IL1RAPL2: variants seen among roughly 807,000 people sequenced by gnomAD.
IL1RAPL2 encodes the protein X-linked interleukin-1 receptor accessory protein-like 2.
Under a neutral mutation model 44.1 loss-of-function variants are expected in IL1RAPL2, and 3 were observed. The ratio of observed to expected loss-of-function variants is 0.07; its 90% CI spans 0.03 to 0.18. The LOEUF (loss-of-function observed/expected upper bound fraction) is 0.18, where lower values mean the gene tolerates loss of function less well. Ranked by LOEUF, IL1RAPL2 falls within the 10% of genes least tolerant of loss-of-function variation. The pLI is 1.00. For missense variants in IL1RAPL2, 391 were observed against 496.4 expected, an observed-to-expected ratio of 0.79 and a Z score of 2.02; for synonymous variants, 181 against 178.8, an observed-to-expected ratio of 1.01 and a Z score of -0.10.
At chrX:104,728,513 CA>C (rs1931840466) in intron 2 of IL1RAPL2, among the ~76,000 whole-genome samples, 1 of 111,530 alleles carries the variant, frequency 9.0e-6, no homozygotes, top group Non-Finnish European at 1.9e-5. Flanking sequence ...TTTGACCTTA[CA>C]TTTGGAAATA....
At chrX:105,645,374 T>C (rs761863555) in intron 6 of IL1RAPL2, among the ~76,000 whole-genome samples, 5 of 111,868 alleles carry the variant, frequency 4.5e-5, no homozygotes, top group Non-Finnish European at 9.4e-5. Context: ...TTTTGAGGAG[T>C]TGAGTGTACT....
chrX:105,036,727 G>A (rs745499540), intron 2 of IL1RAPL2, among the ~76,000 whole-genome samples: 33 of 111,591 alleles, frequency 3.0e-4, no homozygotes, highest in South Asian at 2.3e-3. Context: ...CAAATTTCAC[G>A]AACGTTACAA....
At chrX:104,901,287 T>G (rs904993584) in intron 2 of IL1RAPL2, among the ~76,000 whole-genome samples, 5 of 91,809 alleles carry the variant, frequency 5.4e-5, no homozygotes, top group Non-Finnish European at 1.0e-4. Flanking sequence ...CTCCGCTCAC[T>G]GCAAGCTCCG....
chrX:105,256,880 GCTAT>G (rs758810832), intron 4 of IL1RAPL2, among the ~76,000 whole-genome samples: 12 of 111,029 alleles, frequency 1.1e-4, no homozygotes, highest in South Asian at 3.8e-4. Context: ...TAGCTAGTGG[GCTAT>G]CTATCTTATT....
At chrX:104,935,238 TA>T (rs1924999245) in intron 2 of IL1RAPL2, among the ~76,000 whole-genome samples, 1 of 112,318 alleles carries the variant, frequency 8.9e-6, no homozygotes, top group Non-Finnish European at 1.9e-5. Context: ...ATTTCATTAG[TA>T]AAAATTCCAG....
chrX:104,897,019 C>T (rs1923672158), intron 2 of IL1RAPL2, among the ~76,000 whole-genome samples: 1 of 111,969 alleles, frequency 8.9e-6, no homozygotes, highest in Admixed American at 9.5e-5. Flanking sequence ...AAGGAATGAA[C>T]TCTGGACACA....
At chrX:104,656,703 G>A (rs1166685550) in intron 1 of IL1RAPL2, among the ~76,000 whole-genome samples, 2 of 111,648 alleles carry the variant, frequency 1.8e-5, no homozygotes, top group Non-Finnish European at 3.8e-5. Context: ...ACTTGGTGCA[G>A]AGCTGAGTTC....
At chrX:104,665,458 A>AT (rs1367813210) in intron 2 of IL1RAPL2, among the ~76,000 whole-genome samples, 1 of 110,734 alleles carries the variant, frequency 9.0e-6, no homozygotes, top group African/African-American at 3.3e-5. Flanking sequence ...TCTTATTACA[A>AT]TTGTGTATCA....
At chrX:104,700,043 T>A (rs1454937355) in intron 2 of IL1RAPL2, among the ~76,000 whole-genome samples, 1 of 111,921 alleles carries the variant, frequency 8.9e-6, no homozygotes, top group Non-Finnish European at 1.9e-5. Flanking sequence ...CAGTCCCTGA[T>A]TGGGTGGCTT....
chrX:104,921,246 C>A (rs756025976), intron 2 of IL1RAPL2, among the ~76,000 whole-genome samples: 2 of 106,894 alleles, frequency 1.9e-5, no homozygotes, highest in African/African-American at 6.9e-5. Flanking sequence ...CCCCCACCCC[C>A]ACCCCAGAGC....
At chrX:105,046,077 T>C (rs1432198871) in intron 2 of IL1RAPL2, among the ~76,000 whole-genome samples, 1 of 111,429 alleles carries the variant, frequency 9.0e-6, no homozygotes, top group Non-Finnish European at 1.9e-5. Context: ...GACTTCCAGA[T>C]CCTCATAGAC....
chrX:105,467,684 C>T (rs1022661459), intron 5 of IL1RAPL2, among the ~76,000 whole-genome samples: 6 of 111,455 alleles, frequency 5.4e-5, no homozygotes, highest in Non-Finnish European at 9.4e-5. Flanking sequence ...CCCAAATTTA[C>T]GAGATGGCCT....
chrX:105,615,606 A>G (rs2037369926), intron 6 of IL1RAPL2, among the ~76,000 whole-genome samples: 1 of 112,058 alleles, frequency 8.9e-6, no homozygotes, highest in Non-Finnish European at 1.9e-5. Flanking sequence ...GCATGTGTTC[A>G]CTTATTTGTG....
At chrX:104,718,783 T>C (rs1187850576) in intron 2 of IL1RAPL2, among the ~76,000 whole-genome samples, 1 of 111,787 alleles carries the variant, frequency 8.9e-6, no homozygotes, top group African/African-American at 3.2e-5. Flanking sequence ...TGAAAAATGA[T>C]TTACTGCAGG....
chrX:104,685,680 T>C (rs761411622), intron 2 of IL1RAPL2, among the ~76,000 whole-genome samples: 1 of 111,007 alleles, frequency 9.0e-6, no homozygotes, highest in African/African-American at 3.3e-5. Flanking sequence ...AATGACGAGC[T>C]AGTGGGTGCA....
At chrX:105,401,740 A>G (rs1238355999) in intron 5 of IL1RAPL2, among the ~76,000 whole-genome samples, 1 of 110,699 alleles carries the variant, frequency 9.0e-6, no homozygotes, top group Non-Finnish European at 1.9e-5. Flanking sequence ...CAAGTATATG[A>G]AATTCTGATT....
At chrX:105,738,493 C>T (rs1469141504) in intron 7 of IL1RAPL2, among the ~76,000 whole-genome samples, 2 of 111,074 alleles carry the variant, frequency 1.8e-5, no homozygotes, top group African/African-American at 6.5e-5. Context: ...CATTTATAAC[C>T]AGGTGTCCAA....
intron 6 of IL1RAPL2, among the ~76,000 whole-genome samples, chrX:105,577,217 C>T (rs1006999467): frequency 1.8e-5 from 2 of 111,064 alleles, no homozygotes; most frequent in Admixed American, 9.6e-5. Context: ...AAAAATGGGC[C>T]TATATGATAC....
intron 2 of IL1RAPL2, among the ~76,000 whole-genome samples, chrX:105,030,515 T>G (rs903936336): frequency 8.9e-6 from 1 of 112,042 alleles, no homozygotes; most frequent in Non-Finnish European, 1.9e-5. Context: ...TATTTCCCCA[T>G]TTCTTGTTTT....
Sources: allele counts gnomAD v4.1 joint callset (sites outside exome capture counted in the v4.1 genomes callset), GRCh38; gene constraint gnomAD v4.1.1; transcripts MANE v1.5; gene names NCBI Gene and HGNC (gene_info 2026-07-23, HGNC 2026-07-21).